The following NELL2 variants were observed in gnomAD, a reference collection of about 807,000 sequenced individuals.
NELL2 encodes protein kinase C-binding protein NELL2.
A neutral mutation model predicts 109.6 loss-of-function variants in NELL2; 41 were observed. The observed-to-expected ratio is 0.37, with a 90% CI of 0.29 to 0.49. The LOEUF (loss-of-function observed/expected upper bound fraction) is 0.49. Among genes scored for constraint, NELL2 ranks in the 20% least tolerant of loss-of-function variants. NELL2 has a pLI of 0.98. For missense variants in NELL2, 900 were observed against 1,008.3 expected, an observed-to-expected ratio of 0.89 and a Z score of 1.45; for synonymous variants, 355 against 344.7, an observed-to-expected ratio of 1.03 and a Z score of -0.33.
chr12:44,789,129 G>A (rs1321290358), intron 3 of NELL2, among the ~76,000 whole-genome samples: 1 of 152,098 alleles, frequency 6.6e-6, no homozygotes, highest in East Asian at 1.9e-4. Context: ...CCACTGCTGG[G>A]TACTACCACA....
chr12:44,526,161 A>G (rs2138994908), intron 16 of NELL2, among the ~76,000 whole-genome samples: 1 of 152,266 alleles, frequency 6.6e-6, no homozygotes, highest in Non-Finnish European at 1.5e-5. Context: ...AAAAATCACA[A>G]TCTGATTTTC....
intron 13 of NELL2, among the ~76,000 whole-genome samples, chr12:44,643,820 T>G (rs796656319): frequency 6.6e-6 from 1 of 152,188 alleles, no homozygotes; most frequent in Non-Finnish European, 1.5e-5. Flanking sequence ...ATGGTTCTAT[T>G]ATGTGCATAA....
chr12:44,784,408 T>C (rs186492119), intron 3 of NELL2, among the ~76,000 whole-genome samples: 64 of 152,070 alleles, frequency 4.2e-4, no homozygotes, highest in African/African-American at 1.4e-3. Context: ...AGAAAGTCAA[T>C]CTTGGCAGAT....
In NELL2 at chr12:44,862,710, A is replaced by T. The variant is rs563523247; in HGVS notation, c.184+12515T>A. On this transcript the variant is annotated intron_variant, in intron 2 of 19. Coordinates refer to ENST00000429094, the MANE Select transcript of NELL2 (RefSeq NM_001145108.2). ...TTAAAATTATATTTAGAAAAAACACAAATTCTTCAGCTAAAAAACACAGTG... is the reference window on the plus strand; with the variant it reads ...TTAAAATTATATTTAGAAAAAACACTAATTCTTCAGCTAAAAAACACAGTG... Among the ~76,000 whole-genome samples, 3 of 152,320 alleles carry T rather than the reference A, an allele frequency of 2.0e-5. No individual in the cohort carries two copies. The South Asian group carries it at 6.2e-4, about 32-fold the overall frequency.
At position 44,583,320 on chromosome 12, in the gene NELL2, A is replaced by C. The variant is rs143340409; in HGVS notation, c.1663+23849T>G. ...ACCACTAATGTTCACACTCTGTCAC[A>C]TTAGTCTATTTTATTTTCCGTATAG... On this transcript the variant is annotated intron_variant, in intron 15 of 19. Coordinates refer to ENST00000429094, the MANE Select transcript of NELL2 (RefSeq NM_001145108.2). 1.8e-3 allele frequency among the ~76,000 whole-genome samples: 273 copies of C among 152,316 alleles called. 1 individual carries two copies. Among genetic ancestry groups the C allele is most frequent in the Non-Finnish European group, 2.7e-3 (187 of 68,028 alleles).
intron 13 of NELL2, among the ~76,000 whole-genome samples, chr12:44,633,897 A>G (rs1946544995): frequency 6.6e-6 from 1 of 152,060 alleles, no homozygotes; most frequent in Non-Finnish European, 1.5e-5. Flanking sequence ...CTCTTCCTAC[A>G]CTCATAACCA....
intron 9 of NELL2, among the ~76,000 whole-genome samples, chr12:44,765,946 C>T (rs544629946): frequency 6.6e-6 from 1 of 152,184 alleles, no homozygotes; most frequent in East Asian, 1.9e-4. Context: ...ATGGCCAAAC[C>T]CCATCTCTAC....
At chr12:44,896,626 A>G (rs1945595959) in intron 1 of NELL2, among the ~76,000 whole-genome samples, 1 of 152,226 alleles carries the variant, frequency 6.6e-6, no homozygotes, top group South Asian at 2.1e-4. Context: ...TGATTTTATA[A>G]GAAAAATATC....
chr12:44,876,339 GGA>G, upstream of NELL2: 1 of 1,199,474 alleles, frequency 8.3e-7, no homozygotes, highest in Middle Eastern at 3.4e-4. Context: ...GGAGACGCGC[GGA>G]GAGACTGCTC....
At chr12:44,771,116 T>G (rs1350729918) in intron 9 of NELL2, among the ~76,000 whole-genome samples, 1 of 152,142 alleles carries the variant, frequency 6.6e-6, no homozygotes, top group Non-Finnish European at 1.5e-5. Flanking sequence ...ACTTTCCATT[T>G]TCTACAGCTA....
intron 3 of NELL2, among the ~76,000 whole-genome samples, chr12:44,806,606 G>A (rs1257998045): frequency 6.6e-6 from 1 of 151,756 alleles, no homozygotes; most frequent in East Asian, 1.9e-4. Flanking sequence ...CATACTGGTT[G>A]ATTATAGTCA....
chr12:44,727,837 C>A (rs1939160637), intron 9 of NELL2, among the ~76,000 whole-genome samples: 1 of 152,024 alleles, frequency 6.6e-6, no homozygotes, highest in Non-Finnish European at 1.5e-5. Context: ...AACCTTCTCA[C>A]AATAACAAAT....
chr12:44,617,984 T>G (rs1320194790), intron 13 of NELL2, among the ~76,000 whole-genome samples: 2 of 152,154 alleles, frequency 1.3e-5, no homozygotes, highest in Non-Finnish European at 2.9e-5. Flanking sequence ...CTACTTTCAA[T>G]GATTACATCA....
chr12:44,791,103 ATATATGTATATATATATG>A (rs1337646556), intron 3 of NELL2, among the ~76,000 whole-genome samples: 25 of 25,502 alleles, frequency 9.8e-4, no homozygotes, highest in African/African-American at 3.9e-3. Flanking sequence ...ATATGTATAT[ATATATGTATATATATATG>A]TATATATATA....
At chr12:44,606,883 A>C (rs1282004833) in intron 15 of NELL2, among the ~76,000 whole-genome samples, 1 of 152,138 alleles carries the variant, frequency 6.6e-6, no homozygotes, top group East Asian at 1.9e-4. Flanking sequence ...CAAATGAGTA[A>C]AATGAATTAT....
At chr12:44,539,231 C>T (rs1194406460) in intron 15 of NELL2, among the ~76,000 whole-genome samples, 1 of 152,132 alleles carries the variant, frequency 6.6e-6, no homozygotes, top group Non-Finnish European at 1.5e-5. Flanking sequence ...GAAATTCCTA[C>T]CTGTTTTTCT....
intron 13 of NELL2, among the ~76,000 whole-genome samples, chr12:44,612,560 C>CA (rs1398413485): frequency 3.3e-5 from 5 of 151,826 alleles, no homozygotes; most frequent in Admixed American, 3.3e-4. Flanking sequence ...AGCTGGATTA[C>CA]ACATGGGTCT....
At chr12:44,509,696 C>T (rs1940897608) in intron 19 of NELL2, among the ~76,000 whole-genome samples, 1 of 152,098 alleles carries the variant, frequency 6.6e-6, no homozygotes, top group Admixed American at 6.5e-5. Flanking sequence ...TCTCAGCCTC[C>T]AAAATTGTGG....
intron 12 of NELL2, among the ~76,000 whole-genome samples, chr12:44,681,076 A>G (rs1302420315): frequency 6.6e-6 from 1 of 151,054 alleles, no homozygotes; most frequent in South Asian, 2.1e-4. Context: ...ATTGTCGTAA[A>G]CTTTTCTTTT....
Sources: allele counts gnomAD v4.1 joint callset (sites outside exome capture counted in the v4.1 genomes callset), GRCh38; gene constraint gnomAD v4.1.1; transcripts MANE v1.5; gene names NCBI Gene and HGNC (gene_info 2026-07-23, HGNC 2026-07-21).